ZNF423: variants seen among roughly 807,000 people sequenced by gnomAD.
The protein encoded by ZNF423 is Ebf-associated zinc finger protein.
ZNF423 carries 12 observed loss-of-function variants against 95.8 expected under a neutral mutation model. That is an observed-to-expected ratio of 0.13 (90% confidence interval 0.08 to 0.20). ZNF423 has a LOEUF of 0.20. ZNF423 is among the 10% of genes least tolerant of loss of function. The probability of loss-of-function intolerance (pLI) is 1.00; values close to 1 mark genes in which losing one functional copy is unlikely to be tolerated. For missense variants in ZNF423, 1,316 were observed against 1,737.1 expected, an observed-to-expected ratio of 0.76 and a Z score of 4.31; for synonymous variants, 749 against 711.9, an observed-to-expected ratio of 1.05 and a Z score of -0.83.
At chr16:49,587,974 C>G (rs1304026441) in intron 5 of ZNF423, among the ~76,000 whole-genome samples, 1 of 152,194 alleles carries the variant, frequency 6.6e-6, no homozygotes, top group Non-Finnish European at 1.5e-5. Flanking sequence ...CACTTCCTAA[C>G]CCATTCATAC....
chr16:49,628,475 CACCT>C (rs1172171237), intron 4 of ZNF423, among the ~76,000 whole-genome samples: 1 of 151,886 alleles, frequency 6.6e-6, no homozygotes, highest in African/African-American at 2.4e-5. Flanking sequence ...TCCATCCATC[CACCT>C]ACCTATTGTC....
intron 2 of ZNF423, among the ~76,000 whole-genome samples, chr16:49,746,529 G>C (rs575618105): frequency 6.6e-6 from 1 of 152,246 alleles, no homozygotes; most frequent in African/African-American, 2.4e-5. Flanking sequence ...CCTGGCTGGA[G>C]AGCAGTGGCA....
chr16:49,647,084 G>C (rs1973204520), intron 3 of ZNF423, among the ~76,000 whole-genome samples: 1 of 152,188 alleles, frequency 6.6e-6, no homozygotes, highest in African/African-American at 2.4e-5. Context: ...TGCTTCACCA[G>C]GCCCTGGAGC....
intron 2 of ZNF423, among the ~76,000 whole-genome samples, chr16:49,783,646 G>A (rs2143789383): frequency 6.6e-6 from 1 of 151,862 alleles, no homozygotes. Flanking sequence ...GTTAGGGTTA[G>A]GGCTAGTGCC....
At chr16:49,557,604 A>T (rs1440522222) in intron 5 of ZNF423, among the ~76,000 whole-genome samples, 1 of 152,150 alleles carries the variant, frequency 6.6e-6, no homozygotes, top group African/African-American at 2.4e-5. Context: ...AGAGAATGAA[A>T]TGGCAGCAGA....
At chr16:49,766,409 G>A (rs1275483640) in intron 2 of ZNF423, among the ~76,000 whole-genome samples, 1 of 152,188 alleles carries the variant, frequency 6.6e-6, no homozygotes, top group African/African-American at 2.4e-5. Flanking sequence ...AACAAGGTTT[G>A]TGGCAGGCAA....
intron 6 of ZNF423, 50 bp downstream of exon 6, chr16:49,525,313 G>T (rs1968559588): frequency 2.5e-6 from 4 of 1,604,498 alleles, no homozygotes; most frequent in Non-Finnish European, 2.6e-6. Context: ...ACAGGGCAGG[G>T]CTCCTGTGTT....
At chr16:49,664,177 C>T in intron 3 of ZNF423, 1 of 985,550 alleles carries the variant, frequency 1.0e-6, no homozygotes, top group Admixed American at 6.1e-5. Context: ...CAGCACCCGG[C>T]GGCAGGGCAG....
At chr16:49,559,841 C>G (rs1019004931) in intron 5 of ZNF423, among the ~76,000 whole-genome samples, 4 of 152,160 alleles carry the variant, frequency 2.6e-5, no homozygotes, top group Admixed American at 1.3e-4. Context: ...AAGGCACGAT[C>G]CCAGTCAAGA....
intron 4 of ZNF423, among the ~76,000 whole-genome samples, chr16:49,629,568 C>T (rs1175135921): frequency 6.6e-6 from 1 of 152,182 alleles, no homozygotes. Context: ...CAGAATGGGT[C>T]CAGGACCCCC....
chr16:49,750,869 A>AGACGGTGATGGTGACAGT (rs1481784477), intron 2 of ZNF423, among the ~76,000 whole-genome samples: 1 of 152,230 alleles, frequency 6.6e-6, no homozygotes, highest in African/African-American at 2.4e-5. Context: ...GCAGGGAACC[A>AGACGGTGATGGTGACAGT]GACGGTGATG....
chr16:49,813,948 C>T (rs1291325149), intron 1 of ZNF423, among the ~76,000 whole-genome samples: 2 of 152,336 alleles, frequency 1.3e-5, no homozygotes, highest in East Asian at 3.9e-4. Flanking sequence ...CCCAGGTGGG[C>T]TCCTGCAGAA....
chr16:49,657,284 A>C (rs1028303593), intron 3 of ZNF423, among the ~76,000 whole-genome samples: 2 of 152,210 alleles, frequency 1.3e-5, no homozygotes, highest in African/African-American at 2.4e-5. Context: ...AAGTATCTGG[A>C]GGATGGAGAA....
At chr16:49,539,098 A>G (rs554389875) in intron 5 of ZNF423, among the ~76,000 whole-genome samples, 105 of 150,902 alleles carry the variant, frequency 7.0e-4, no homozygotes, top group Middle Eastern at 3.4e-3. Context: ...CATGCCCTTC[A>G]GTGGCAGCAG....
At chr16:49,726,067 A>G (rs950416957) in intron 3 of ZNF423, among the ~76,000 whole-genome samples, 1 of 152,138 alleles carries the variant, frequency 6.6e-6, no homozygotes, top group African/African-American at 2.4e-5. Context: ...AGACCCCAAA[A>G]GCTGTCAAGT....
intron 3 of ZNF423, among the ~76,000 whole-genome samples, chr16:49,709,189 C>T (rs1056780923): frequency 4.5e-5 from 4 of 88,340 alleles, no homozygotes; most frequent in Non-Finnish European, 6.7e-5. Context: ...TATATGAAAA[C>T]GGAGCTTCGG....
At chr16:49,712,919 AG>A in intron 3 of ZNF423, among the ~76,000 whole-genome samples, 1 of 152,378 alleles carries the variant, frequency 6.6e-6, no homozygotes, top group African/African-American at 2.4e-5. Flanking sequence ...TGACAGCCAC[AG>A]AATGCCTTCC....
chr16:49,490,372 G>T lies in ZNF423; in HGVS notation c.*903C>A. 1 of 152,366 alleles carries T rather than the reference G, an allele frequency of 6.6e-6. No individual in the cohort carries two copies. The highest frequency in any genetic ancestry group is 2.1e-4 in the South Asian group (1 of 4,822). The allele number at this position is 152,366 out of a possible 1,614,324, so 9.4% of individuals were successfully genotyped here. ...CCCATCCAAGAGTGGGAAGATCAGG[G>T]TATTCCATCATTAAGGGGTCTTCTG... On this transcript the variant is annotated 3_prime_UTR_variant, in exon 8 of 8. Transcript: ENST00000563137.
chr16:49,602,562 G>A (rs1385798732), intron 5 of ZNF423, among the ~76,000 whole-genome samples: 2 of 152,166 alleles, frequency 1.3e-5, no homozygotes, highest in African/African-American at 4.8e-5. Flanking sequence ...GGGAGCAGAA[G>A]TGTAAAACCC....
Sources: allele counts gnomAD v4.1 joint callset (sites outside exome capture counted in the v4.1 genomes callset), GRCh38; gene constraint gnomAD v4.1.1; transcripts MANE v1.5; gene names NCBI Gene and HGNC (gene_info 2026-07-23, HGNC 2026-07-21).